GRIN2B: variants seen among roughly 807,000 people sequenced by gnomAD.
GRIN2B encodes glutamate receptor ionotropic, NMDA 2B.
In GRIN2B, 5 loss-of-function variants were observed where a neutral mutation model predicts 114.5. The observed-to-expected ratio is 0.04, with a 90% CI of 0.02 to 0.09. GRIN2B has a LOEUF of 0.09. GRIN2B is among the 10% of genes least tolerant of loss of function. The probability of loss-of-function intolerance (pLI) is 1.00; values close to 1 mark genes in which losing one functional copy is unlikely to be tolerated. For missense variants in GRIN2B, 1,108 were observed against 1,943.5 expected (o/e 0.57, Z 8.08); for synonymous variants, 787 against 745.1 (o/e 1.06, Z -0.92).
intron 4 of GRIN2B, among the ~76,000 whole-genome samples, chr12:13,692,284 G>T (rs1034591121): frequency 5.3e-5 from 8 of 152,098 alleles, no homozygotes; most frequent in East Asian, 1.9e-4. Context: ...AGGGAGCCAG[G>T]CTGTCCATTG....
chr12:13,618,548 G>A (rs1949474627), intron 5 of GRIN2B, among the ~76,000 whole-genome samples: 2 of 151,864 alleles, frequency 1.3e-5, no homozygotes, highest in African/African-American at 2.4e-5. Context: ...CCTCACTAAG[G>A]GTCCCCCCAG....
At chr12:13,586,659 T>C (rs1486406472) in intron 10 of GRIN2B, among the ~76,000 whole-genome samples, 1 of 152,216 alleles carries the variant, frequency 6.6e-6, no homozygotes, top group Non-Finnish European at 1.5e-5. Flanking sequence ...GTTGGAGACC[T>C]CACTTACTCA....
chr12:13,829,580 C>T (rs1227042644), intron 3 of GRIN2B, among the ~76,000 whole-genome samples: 1 of 152,106 alleles, frequency 6.6e-6, no homozygotes, highest in East Asian at 1.9e-4. Flanking sequence ...TTGAGAAGAC[C>T]CAATGATAAT....
chr12:13,824,618 G>T (rs902656732), intron 3 of GRIN2B, among the ~76,000 whole-genome samples: 1 of 152,008 alleles, frequency 6.6e-6, no homozygotes, highest in Non-Finnish European at 1.5e-5. Flanking sequence ...ACTTTGGGAG[G>T]CCGAGGCAGG....
At chr12:13,937,170 T>C (rs1340368319) in intron 2 of GRIN2B, among the ~76,000 whole-genome samples, 1 of 149,014 alleles carries the variant, frequency 6.7e-6, no homozygotes, top group Non-Finnish European at 1.5e-5. Flanking sequence ...TAATCTAACA[T>C]ATATATATAT....
chr12:13,624,705 A>G (rs564053386), intron 5 of GRIN2B, among the ~76,000 whole-genome samples: 50 of 152,190 alleles, frequency 3.3e-4, no homozygotes, highest in African/African-American at 1.2e-3. Context: ...CATCCAGCCA[A>G]TCCTGTCTGG....
intron 2 of GRIN2B, among the ~76,000 whole-genome samples, chr12:13,908,809 T>A (rs1866585516): frequency 6.6e-6 from 1 of 152,172 alleles, no homozygotes; most frequent in Non-Finnish European, 1.5e-5. Flanking sequence ...TTGAGACATC[T>A]CACAAAACAC....
intron 5 of GRIN2B, among the ~76,000 whole-genome samples, chr12:13,620,950 T>G (rs1160487662): frequency 3.2e-5 from 2 of 63,346 alleles, no homozygotes; most frequent in Admixed American, 4.1e-4. Flanking sequence ...GTGAAACTTT[T>G]TTGAAAAAAA....
intron 5 of GRIN2B, among the ~76,000 whole-genome samples, chr12:13,654,545 T>C (rs1428956640): frequency 6.6e-6 from 1 of 152,152 alleles, no homozygotes; most frequent in Non-Finnish European, 1.5e-5. Flanking sequence ...TGCAATGATA[T>C]ACAGAACAGT....
intron 4 of GRIN2B, among the ~76,000 whole-genome samples, chr12:13,690,318 T>C (rs867010951): frequency 0.011 from 1,199 of 109,110 alleles, 16 homozygotes; most frequent in African/African-American, 0.032. Flanking sequence ...CACACACACA[T>C]GCACACGCAC....
chr12:13,910,532 C>G (rs988268931), intron 2 of GRIN2B, among the ~76,000 whole-genome samples: 20 of 152,194 alleles, frequency 1.3e-4, no homozygotes, highest in Admixed American at 1.3e-4. Flanking sequence ...CTTCCTCTTC[C>G]TCTCTTTGCC....
chr12:13,617,014 G>A (rs1263182394), intron 5 of GRIN2B, among the ~76,000 whole-genome samples: 1 of 152,192 alleles, frequency 6.6e-6, no homozygotes, highest in Admixed American at 6.5e-5. Context: ...GCAGCGCTGT[G>A]TAGTAAGTGA....
intron 3 of GRIN2B, among the ~76,000 whole-genome samples, chr12:13,838,987 A>G (rs1343481248): frequency 6.6e-6 from 1 of 152,212 alleles, no homozygotes; most frequent in Non-Finnish European, 1.5e-5. Flanking sequence ...GCAGTCATTT[A>G]GCAAGGCCCC....
chr12:13,741,699 T>C (rs1863290592), intron 4 of GRIN2B, among the ~76,000 whole-genome samples: 1 of 152,058 alleles, frequency 6.6e-6, no homozygotes, highest in Admixed American at 6.6e-5. Context: ...GGACTACAGG[T>C]GCATGCCACC....
At chr12:13,864,236 TG>T (rs1253392520) in intron 3 of GRIN2B, among the ~76,000 whole-genome samples, 1 of 152,240 alleles carries the variant, frequency 6.6e-6, no homozygotes, top group Non-Finnish European at 1.5e-5. Context: ...AGGGAAGCTC[TG>T]AAGCAGAAGC....
intron 3 of GRIN2B, among the ~76,000 whole-genome samples, chr12:13,764,522 T>A (rs143844195): frequency 6.6e-6 from 1 of 152,306 alleles, no homozygotes; most frequent in African/African-American, 2.4e-5. Context: ...GCTGTTGCTA[T>A]CTCAACTTGA....
At chr12:13,862,212 A>C (rs2136742181) in intron 3 of GRIN2B, among the ~76,000 whole-genome samples, 1 of 152,356 alleles carries the variant, frequency 6.6e-6, no homozygotes, top group South Asian at 2.1e-4. Context: ...AGCATATGCA[A>C]AAAAGTGAGC....
chr12:13,570,439 G>GTGTT (rs1424170080), intron 11 of GRIN2B, among the ~76,000 whole-genome samples: 1 of 152,196 alleles, frequency 6.6e-6, no homozygotes, highest in Non-Finnish European at 1.5e-5. Context: ...ATAAGTGTAG[G>GTGTT]TGTTTGTGTT....
At chr12:13,941,969 G>A (rs1867262975) in intron 2 of GRIN2B, among the ~76,000 whole-genome samples, 1 of 152,146 alleles carries the variant, frequency 6.6e-6, no homozygotes, top group African/African-American at 2.4e-5. Flanking sequence ...GGTCAAAGTC[G>A]GTACAAATGT....
Sources: allele counts gnomAD v4.1 joint callset (sites outside exome capture counted in the v4.1 genomes callset), GRCh38; gene constraint gnomAD v4.1.1; transcripts MANE v1.5; gene names NCBI Gene and HGNC (gene_info 2026-07-23, HGNC 2026-07-21).